The following GGT7 variants were observed in gnomAD, a reference collection of about 807,000 sequenced individuals.
GGT7 encodes gamma-glutamyltransferase 7.
In GGT7, 30 loss-of-function variants were observed where a neutral mutation model predicts 69.2. The observed-to-expected ratio is 0.43, with a 90% CI of 0.32 to 0.59. The LOEUF (loss-of-function observed/expected upper bound fraction) is 0.59, where lower values mean the gene tolerates loss of function less well. Among genes scored for constraint, GGT7 ranks in the 20% least tolerant of loss-of-function variants. The pLI is 0.05. For missense variants in GGT7, 733 were observed against 901.1 expected, an observed-to-expected ratio of 0.81 and a Z score of 2.39; for synonymous variants, 388 against 391.8, an observed-to-expected ratio of 0.99 and a Z score of 0.12.
In GGT7 at chr20:34,859,552, C is replaced by G. The variant is rs751148309; in HGVS notation, c.905G>C (p.Gly302Ala). Residue 302 changes from glycine (G) to alanine (A), a missense_variant, in exon 7 of 15, where the codon GGC becomes GCC. Physicochemically the swap from Gly to Ala is moderately conservative, Grantham distance 60. Coordinates refer to ENST00000336431, the MANE Select transcript of GGT7 (RefSeq NM_178026.3). ...CAGGTCGGGCCGATGCAGCAACGAG[C>G]CAGGTAGTGGCGGGCGGCCCGATGG... is the stretch of plus-strand genomic sequence containing the variant. ...FLPSGRPPLP[G>A]SLLHRPDLAE... is the part of the protein sequence containing the mutation. 26 of 1,612,154 alleles carry G rather than the reference C, an allele frequency of 1.6e-5. No homozygotes were observed. The highest frequency in any genetic ancestry group is 2.5e-6 in the Non-Finnish European group (3 of 1,179,140).
intron 7 of GGT7, 74 bp downstream of exon 7, chr20:34,859,369 A>G (rs997884231): frequency 1.6e-5 from 19 of 1,193,858 alleles, no homozygotes; most frequent in Non-Finnish European, 2.2e-5. Flanking sequence ...GGAAGGAAGG[A>G]AAAAATGCGG....
chr20:34,872,832 C>G lies in GGT7; in HGVS notation c.-17G>C, dbSNP rs566778409. On this transcript the variant is annotated 5_prime_UTR_variant, in exon 1 of 15. Transcript: ENST00000336431. Reference sequence around the variant, plus strand: ...CGCCGCCATCCTCGCCCGCGCCCCCCAGCAGCGCAGCGCCTGCCGGAAGTG... The same window carrying G: ...CGCCGCCATCCTCGCCCGCGCCCCCGAGCAGCGCAGCGCCTGCCGGAAGTG... 1.5e-4 allele frequency: 204 copies of G among 1,332,082 alleles called. No individual in the cohort carries two copies. Among genetic ancestry groups the G allele is most frequent in the Middle Eastern group, 2.8e-4 (1 of 3,580 alleles). The allele number at this position is 1,332,082 out of a possible 1,614,324, so 82.5% of individuals were successfully genotyped here. A position where few individuals can be genotyped will look rare whatever the true frequency, so the allele number is the denominator to read the frequency against.
Position 34,851,306 on chromosome 20 carries a change from G to A in GGT7, c.1650C>T (p.Pro550=), listed in dbSNP as rs576222899. The change falls in exon 13 of 15, where the codon CCC becomes CCT. Residue 550 remains proline (P), a synonymous_variant. Coordinates refer to ENST00000336431, the MANE Select transcript of GGT7 (RefSeq NM_178026.3). ...LSFLLPTVVR[P]AEGLCGTYLA... ...GGTAGGTTCCACAGAGCCCCTCCGC[G>A]GGTCGGACCACTGTGGGCAGCAGGA... is the stretch of plus-strand genomic sequence containing the variant. The A allele has an allele frequency of 5.1e-5, 83 of 1,613,938 alleles. 1 individual carries two copies. In the South Asian group the frequency reaches 8.3e-4, roughly 16 times the overall value.
At chr20:34,857,943 C>A (rs1053837166) in intron 7 of GGT7, among the ~76,000 whole-genome samples, 11 of 152,134 alleles carry the variant, frequency 7.2e-5, no homozygotes, top group Admixed American at 4.6e-4. Flanking sequence ...GTTCCTTTTT[C>A]TGGCAAGTTA....
At chr20:34,865,666 G>A (rs1334362928) in intron 1 of GGT7, among the ~76,000 whole-genome samples, 2 of 152,164 alleles carry the variant, frequency 1.3e-5, no homozygotes, top group East Asian at 1.9e-4. Context: ...CCTAACTGGT[G>A]GGATAGGGGT....
intron 7 of GGT7, among the ~76,000 whole-genome samples, 200 bp from the exon 8 acceptor site, chr20:34,857,093 TATCATGTGCCAGGC>T (rs1484055974): frequency 6.6e-6 from 1 of 152,188 alleles, no homozygotes; most frequent in Non-Finnish European, 1.5e-5. Flanking sequence ...ATTGAGCACC[TATCATGTGCCAGGC>T]ATCACACTGG....
At chr20:34,869,286 G>C (rs2079742651) in intron 1 of GGT7, among the ~76,000 whole-genome samples, 1 of 152,042 alleles carries the variant, frequency 6.6e-6, no homozygotes, top group Non-Finnish European at 1.5e-5. Context: ...GCCCACCTCA[G>C]CCTCCCGAGT....
chr20:34,862,194 G>A (rs1036934544), intron 3 of GGT7, among the ~76,000 whole-genome samples: 1 of 152,234 alleles, frequency 6.6e-6, no homozygotes, highest in African/African-American at 2.4e-5. Flanking sequence ...ATCATGGGAA[G>A]CAGCTTCTAT....
Position 34,853,904 on chromosome 20 carries a change from T to C in GGT7, c.1319+627A>G, listed in dbSNP as rs540319170. On this transcript the variant is annotated intron_variant, in intron 10 of 14. Transcript: ENST00000336431. ...ATGTTATGTTGCTAATGAAGCTGTA[T>C]TACCACCACCTTCAGTATTTGCTTG... is the stretch of plus-strand genomic sequence containing the variant. Among the ~76,000 whole-genome samples the C allele has an allele frequency of 3.9e-5, 6 of 152,330 alleles. No individual in the cohort carries two copies. The South Asian group carries it at 1.2e-3, about 32-fold the overall frequency.
At chr20:34,870,378 T>A (rs866596865) in intron 1 of GGT7, among the ~76,000 whole-genome samples, 58 of 152,214 alleles carry the variant, frequency 3.8e-4, no homozygotes, top group African/African-American at 1.2e-3. Flanking sequence ...CATTCTTTCA[T>A]CCTCTCTCCT....
Position 34,863,394 on chromosome 20 carries a change from C to A in GGT7, c.324G>T (p.Thr108=). The A allele has an allele frequency of 6.2e-7, 1 of 1,614,052 alleles. No homozygotes were observed. Among genetic ancestry groups the A allele is most frequent in the African/African-American group, 1.3e-5 (1 of 75,068 alleles). ...AECSCRQDGL[T]VIVTACLTFA... ...AGGTGAGACAGGCCGTGACGATGAC[C>A]GTGAGCCCATCCTGGCGGCAGGAGC... The change falls in exon 2 of 15, where the codon ACG becomes ACT. Residue 108 remains threonine (T), a synonymous_variant. Coordinates refer to ENST00000336431, the MANE Select transcript of GGT7 (RefSeq NM_178026.3). The surrounding 1 kb of genome is among the most constrained non-coding windows in gnomAD (Gnocchi z 4.4).
chr20:34,845,536 A>G, intron 14 of GGT7, 45 bp from the exon 15 acceptor site: 1 of 1,560,336 alleles, frequency 6.4e-7, no homozygotes. Flanking sequence ...TGTACAGAGC[A>G]CTAGTTCAAG....
At chr20:34,871,967 G>A (rs1031324271) in intron 1 of GGT7, among the ~76,000 whole-genome samples, 1 of 152,142 alleles carries the variant, frequency 6.6e-6, no homozygotes, top group Non-Finnish European at 1.5e-5. Flanking sequence ...GGGCTGAGGG[G>A]AACACAGTAA....
chr20:34,865,274 T>TC (rs753107541), intron 1 of GGT7, among the ~76,000 whole-genome samples: 5 of 152,198 alleles, frequency 3.3e-5, no homozygotes, highest in African/African-American at 4.8e-5. Context: ...AACCTCTGCC[T>TC]CCCAGGCTCA....
chr20:34,871,870 G>C (rs2146935827), intron 1 of GGT7, among the ~76,000 whole-genome samples: 1 of 152,336 alleles, frequency 6.6e-6, no homozygotes, highest in South Asian at 2.1e-4. Context: ...AGCAGGGAAG[G>C]AATGCACAGA....
chr20:34,845,675 G>A (rs45603935), intron 14 of GGT7, among the ~76,000 whole-genome samples, 184 bp from the exon 15 acceptor site: 1 of 152,302 alleles, frequency 6.6e-6, no homozygotes, highest in Non-Finnish European at 1.5e-5. Context: ...ATGAGAACAT[G>A]AAGTTGCAGG....
intron 14 of GGT7, among the ~76,000 whole-genome samples, chr20:34,849,646 G>A (rs1317557107): frequency 6.6e-6 from 1 of 152,202 alleles, no homozygotes; most frequent in African/African-American, 2.4e-5. Flanking sequence ...CACCTAGGAT[G>A]ATGCCTGGAA....
rs2079367966 is a variant in GGT7 at position 34,850,300 on chromosome 20, G to A, written c.1726-240C>T. 6 of 694,548 alleles carry A rather than the reference G, an allele frequency of 8.6e-6. No homozygotes were observed. The East Asian group carries it at 1.6e-4, about 19-fold the overall frequency. 43.0% of individuals were successfully genotyped at this position (694,548 alleles called of 1,614,324 possible). A position where few individuals can be genotyped will look rare whatever the true frequency, so the allele number is the denominator to read the frequency against. On this transcript the variant is annotated intron_variant, in intron 13 of 14. Transcript: ENST00000336431. ...TACTCCAGAGTTTAGAGGAAGCCAG[G>A]GAAGATACACCACTAGAACCAAGTC... is the stretch of plus-strand genomic sequence containing the variant.
chr20:34,860,140 G>A, intron 5 of GGT7, 98 bp from the exon 6 acceptor site: 1 of 1,026,442 alleles, frequency 9.7e-7, no homozygotes, highest in Non-Finnish European at 1.5e-6. Flanking sequence ...CCTGGCAAGG[G>A]AAGGGGATAT....
Sources: allele counts gnomAD v4.1 joint callset (sites outside exome capture counted in the v4.1 genomes callset), GRCh38; gene constraint gnomAD v4.1.1; non-coding constraint Gnocchi (gnomAD v3.1); transcripts MANE v1.5; gene names NCBI Gene and HGNC (gene_info 2026-07-23, HGNC 2026-07-21).